HUWE1: variants seen among roughly 807,000 people sequenced by gnomAD.
HUWE1 encodes HECT, UBA and WWE domain containing E3 ubiquitin protein ligase 1.
Under a neutral mutation model 299.4 loss-of-function variants are expected in HUWE1, and 18 were observed. The observed-to-expected ratio is 0.06, with a 90% CI of 0.04 to 0.09. HUWE1 has a LOEUF of 0.09. Among genes scored for constraint, HUWE1 ranks in the 10% least tolerant of loss-of-function variants. The probability of loss-of-function intolerance (pLI) is 1.00; values close to 1 mark genes in which losing one functional copy is unlikely to be tolerated. For missense variants in HUWE1, 1,832 were observed against 3,462.3 expected (o/e 0.53, Z 11.82); for synonymous variants, 1,317 against 1,286.1 (o/e 1.02, Z -0.51).
At chrX:53,594,780 A>T (rs1556983316) in intron 30 of HUWE1, among the ~76,000 whole-genome samples, 159 bp from the exon 31 acceptor site, 1 of 112,205 alleles carries the variant, frequency 8.9e-6, no homozygotes, top group African/African-American at 3.2e-5. Context: ...GAAAATTCAA[A>T]ATGTTCCAAA....
At position 53,551,581 on chromosome X, in the gene HUWE1, T is replaced by A; in HGVS notation, c.8882-101A>T. ...GGCTGGAGTGTAGTGGTGCAACCCT[T>A]GCCTCACTGCAGTGTTGAGCTCCTG... On this transcript the variant is annotated intron_variant, in intron 63 of 83. Transcript: ENST00000262854. The A allele has an allele frequency of 5.4e-6, 4 of 746,793 alleles. No homozygotes were observed. The Admixed American group carries it at 1.0e-4, about 20-fold the overall frequency. 61.5% of individuals were successfully genotyped at this position (746,793 alleles called of 1,213,427 possible).
In HUWE1 at chrX:53,564,636, C is replaced by T; in HGVS notation, c.6967G>A (p.Ala2323Thr). ...VADGDIMDGE[A>T]ETDSVVIAGQ... ...GCAATCACCACTGAGTCGGTTTCAG[C>T]CTCCCCATCCATGATATCCCCATCT... The change falls in exon 51 of 84, where the codon GCT becomes ACT. Residue 2323 changes from alanine (A) to threonine (T), a missense_variant. By Grantham distance (58) the Ala-to-Thr change is moderately conservative. Around this residue, in one of 15 missense-constraint regions of HUWE1, gnomAD observed 170 missense variants for 335.8 expected, o/e 0.51. Transcript: ENST00000262854. 1.7e-6 allele frequency: 2 copies of T among 1,211,526 alleles called. No individual in the cohort carries two copies. Among genetic ancestry groups the T allele is most frequent in the Non-Finnish European group, 2.2e-6 (2 of 895,431 alleles).
chrX:53,561,621 T>A (rs1202511279), intron 55 of HUWE1, 135 bp downstream of exon 55: 3 of 897,895 alleles, frequency 3.3e-6, no homozygotes, highest in Non-Finnish European at 4.7e-6. Flanking sequence ...GATTCAGATA[T>A]CCCTTGCCCC....
Position 53,585,073 on chromosome X carries a change from G to A in HUWE1, c.4940C>T (p.Thr1647Ile), listed in dbSNP as rs201998021. Residue 1647 changes from threonine to isoleucine, a missense_variant, in exon 40 of 84, where the codon ACA becomes ATA. Transcript: ENST00000262854. ...TCGGCCTGCAGTGAATCGCACGCTT[G>A]TCTCTCCAGATTTCCAGGCAGAATC... ...TIDSAWKSGE[T>I]SVRFTAGRRR... The A allele has an allele frequency of 3.3e-6, 4 of 1,210,416 alleles. No homozygotes were observed. The Admixed American group carries it at 8.7e-5, about 26-fold the overall frequency.
chrX:53,558,844 G>T (rs781903110), intron 58 of HUWE1, 35 bp from the exon 59 acceptor site: 34 of 1,204,518 alleles, frequency 2.8e-5, no homozygotes, highest in African/African-American at 5.3e-5. Context: ...AGGCTGCTCT[G>T]GTGGGGTCAG....
chrX:53,602,288 T>C (rs2064898812), intron 28 of HUWE1, among the ~76,000 whole-genome samples: 1 of 108,589 alleles, frequency 9.2e-6, no homozygotes, highest in African/African-American at 3.3e-5. Context: ...TCTAAGACAC[T>C]GGCAAATGTA....
At chrX:53,655,755 C>T (rs1220398191) in intron 3 of HUWE1, among the ~76,000 whole-genome samples, 2 of 111,564 alleles carry the variant, frequency 1.8e-5, no homozygotes, top group African/African-American at 6.5e-5. Context: ...ATTAAACTGC[C>T]CCTGCTGCAA....
At chrX:53,651,096 C>G (rs782714039) in intron 4 of HUWE1, among the ~76,000 whole-genome samples, 1 of 111,155 alleles carries the variant, frequency 9.0e-6, no homozygotes, top group East Asian at 2.8e-4. Context: ...ATTAACTACA[C>G]TGGGTTACAA....
At chrX:53,535,351 G>A in intron 81 of HUWE1, 33 bp downstream of exon 81, 1 of 906,119 alleles carries the variant, frequency 1.1e-6, no homozygotes, top group Non-Finnish European at 1.6e-6. Context: ...TTCTCATATT[G>A]AGCAACTAGA....
At chrX:53,591,171 A>G in intron 33 of HUWE1, 49 bp from the exon 34 acceptor site, 1 of 1,185,263 alleles carries the variant, frequency 8.4e-7, no homozygotes, top group Non-Finnish European at 1.1e-6. Flanking sequence ...AAATCCAAAT[A>G]CATTTTTAAA....
At chrX:53,606,527 G>GTTCATAGCATCATTATTA (rs2065161625) in intron 25 of HUWE1, among the ~76,000 whole-genome samples, 1 of 111,860 alleles carries the variant, frequency 8.9e-6, no homozygotes, top group Non-Finnish European at 1.9e-5. Flanking sequence ...GTACATCCAT[G>GTTCATAGCATCATTATTA]TTCACAGCAT....
rs782417605 is a variant in HUWE1 at position 53,575,599 on chromosome X, T to C, written c.6030+44A>G. 13 of 1,177,800 alleles carry C rather than the reference T, an allele frequency of 1.1e-5. No homozygotes were observed. In the Admixed American group the frequency reaches 2.4e-4, roughly 22 times the overall value. On this transcript the variant is annotated intron_variant, in intron 45 of 83. Transcript: ENST00000262854. ...CTAAATACTGAGACCACACAGGCAT[T>C]GAAAAATGAGAAGAAAGATAAAACG...
intron 23 of HUWE1, among the ~76,000 whole-genome samples, chrX:53,613,218 G>A (rs1557004092): frequency 1.8e-5 from 2 of 111,749 alleles, no homozygotes; most frequent in East Asian, 5.6e-4. Context: ...GACAGGGTAA[G>A]GTATCTGTTC....
chrX:53,587,385 A>T (rs2063910633), intron 37 of HUWE1, among the ~76,000 whole-genome samples: 2 of 112,521 alleles, frequency 1.8e-5, no homozygotes, highest in African/African-American at 6.5e-5. Context: ...CTGGAAGTAA[A>T]TGTCCAAGGA....
At chrX:53,649,056 A>C (rs1394338018) in intron 4 of HUWE1, among the ~76,000 whole-genome samples, 1 of 111,849 alleles carries the variant, frequency 8.9e-6, no homozygotes, top group Non-Finnish European at 1.9e-5. Context: ...TGATTATTAC[A>C]CTTGTTCTTT....
In HUWE1 at chrX:53,564,687, G is replaced by C; in HGVS notation, c.6916C>G (p.His2306Asp). 1 of 1,211,736 alleles carries C rather than the reference G, an allele frequency of 8.3e-7. No homozygotes were observed. Among genetic ancestry groups the C allele is most frequent in the Non-Finnish European group, 1.1e-6 (1 of 895,529 alleles). Residue 2306 changes from histidine (H) to aspartate (D), a missense_variant, in exon 51 of 84, where the codon CAT becomes GAT. Around this residue, in one of 15 missense-constraint regions of HUWE1, gnomAD observed 170 missense variants for 335.8 expected, o/e 0.51. Transcript: ENST00000262854. The stretch of plus-strand genomic sequence containing the variant: ...GCCACCTCTGTCTGAGTGACATCAT[G>C]ATCCTCCTCCTGCACTTCTGCTTCC... ...PGEAEVQEED[H>D]DVTQTEVADG...
intron 60 of HUWE1, chrX:53,556,280 C>T (rs1277885293): frequency 2.9e-6 from 1 of 345,589 alleles, no homozygotes; most frequent in African/African-American, 2.6e-5. Flanking sequence ...CTAATTGGGG[C>T]CTAATATCCC....
At chrX:53,630,531 G>T (rs908028690) in intron 12 of HUWE1, among the ~76,000 whole-genome samples, 3 of 110,852 alleles carry the variant, frequency 2.7e-5, no homozygotes, top group Admixed American at 9.6e-5. Context: ...CACAGTAAAA[G>T]AAGTTAAATG....
rs2061549250 is a variant in HUWE1, at chrX:53,546,600, AAAG to A, written c.10759-11_10759-9del. ...AGAGTGGGATGTCAACACCTGAGAAAAAGAAGACAGAAGGAGTAAGCCCCAGCC... is the reference window on the plus strand; with the variant it reads ...AGAGTGGGATGTCAACACCTGAGAAAAAGACAGAAGGAGTAAGCCCCAGCC... On this transcript the variant is annotated splice_polypyrimidine_tract_variant and intron_variant, in intron 69 of 83. Coordinates refer to ENST00000262854, the MANE Select transcript of HUWE1 (RefSeq NM_031407.7). 2.5e-6 allele frequency: 3 copies of A among 1,210,021 alleles called. No homozygotes were observed. The highest frequency in any genetic ancestry group is 3.4e-6 in the Non-Finnish European group (3 of 894,565).
Sources: gnomAD v4.1 joint callset for allele counts (sites outside exome capture counted in the v4.1 genomes callset) on GRCh38, gnomAD v4.1.1 for gene constraint, gnomAD v4.1.1 regional missense constraint, MANE v1.5 for transcripts, NCBI Gene and HGNC (gene_info 2026-07-23, HGNC 2026-07-21) for gene names.